The following CACNB2 variants were observed in gnomAD, a reference collection of about 807,000 sequenced individuals.
CACNB2 encodes the protein voltage-dependent L-type calcium channel subunit beta-2.
CACNB2 carries 42 observed loss-of-function variants against 73.3 expected under a neutral mutation model. The ratio of observed to expected loss-of-function variants is 0.57; its 90% confidence interval spans 0.45 to 0.74. The LOEUF is 0.74. Among genes scored for constraint, CACNB2 ranks in the 30% least tolerant of loss-of-function variants. The pLI, the probability that CACNB2 is intolerant of heterozygous loss-of-function variation, is 0.00. For synonymous variants in CACNB2, 348 were observed against 310.3 expected, an observed-to-expected ratio of 1.12 and a Z score of -1.28; for missense variants, 940 against 853.0, an observed-to-expected ratio of 1.10 and a Z score of -1.27.
chr10:18,150,757 CTTACATGATGGCAATGTA>C, intron 1 of CACNB2, 108 bp from the exon 2 acceptor site: 3 of 623,958 alleles, frequency 4.8e-6, no homozygotes, highest in African/African-American at 1.9e-5. Context: ...TCTAATGATG[CTTACATGATGGCAATGTA>C]TTACTTGTTT....
At chr10:18,261,295 G>A (rs1356653493) in intron 2 of CACNB2, 2 of 1,551,512 alleles carry the variant, frequency 1.3e-6, no homozygotes, top group South Asian at 2.4e-5. Context: ...CTGGTGCATC[G>A]CCGGCGAGTA....
intron 2 of CACNB2, among the ~76,000 whole-genome samples, chr10:18,187,886 G>C (rs1367587116): frequency 6.6e-6 from 1 of 152,124 alleles, no homozygotes; most frequent in East Asian, 1.9e-4. Flanking sequence ...GCCTTTTTAG[G>C]AAAATCCACA....
chr10:18,292,732 G>T (rs1216443394), intron 2 of CACNB2, among the ~76,000 whole-genome samples: 2 of 152,114 alleles, frequency 1.3e-5, no homozygotes, highest in African/African-American at 4.8e-5. Context: ...ATTGAGCTCA[G>T]AATAACGAGA....
At chr10:18,219,000 CA>C (rs549400069) in intron 2 of CACNB2, among the ~76,000 whole-genome samples, 1 of 152,098 alleles carries the variant, frequency 6.6e-6, no homozygotes, top group Non-Finnish European at 1.5e-5. Context: ...CCTGTCTCTA[CA>C]AAAAAATTTA....
chr10:18,216,482 A>G (rs768565196), intron 2 of CACNB2, among the ~76,000 whole-genome samples: 23 of 152,206 alleles, frequency 1.5e-4, no homozygotes, highest in Non-Finnish European at 3.2e-4. Flanking sequence ...GACATATCCC[A>G]CGTAAGCATG....
intron 2 of CACNB2, among the ~76,000 whole-genome samples, chr10:18,293,309 T>G (rs2131785513): frequency 6.6e-6 from 1 of 152,326 alleles, no homozygotes; most frequent in South Asian, 2.1e-4. Flanking sequence ...TTCAGGAACC[T>G]TTGGCCTAAC....
intron 3 of CACNB2, among the ~76,000 whole-genome samples, chr10:18,486,854 A>C (rs974206612): frequency 1.3e-5 from 2 of 152,162 alleles, no homozygotes; most frequent in African/African-American, 4.8e-5. Context: ...TGGGGTAAAT[A>C]TGTGAGGTTC....
intron 10 of CACNB2, 108 bp from the exon 11 acceptor site, chr10:18,533,968 C>T (rs2053310455): frequency 1.0e-6 from 1 of 975,132 alleles, no homozygotes. Context: ...TGCCTGTAAG[C>T]ATTAACATAA....
chr10:18,513,447 C>T, intron 6 of CACNB2: 1 of 227,722 alleles, frequency 4.4e-6, no homozygotes, highest in Non-Finnish European at 8.9e-6. Flanking sequence ...TCGCTGTCAA[C>T]TTCCAATGGT....
intron 2 of CACNB2, among the ~76,000 whole-genome samples, chr10:18,190,469 A>G (rs1023316135): frequency 2.0e-5 from 3 of 152,196 alleles, no homozygotes; most frequent in Non-Finnish European, 4.4e-5. Context: ...ACGTCCTGGA[A>G]GAGGCAAACA....
intron 2 of CACNB2, among the ~76,000 whole-genome samples, chr10:18,384,732 A>C (rs900252373): frequency 4.6e-5 from 7 of 150,656 alleles, no homozygotes; most frequent in Admixed American, 1.3e-4. Context: ...CCTGTCTCAA[A>C]ACAACAACAA....
At chr10:18,374,178 A>T (rs1037906948) in intron 2 of CACNB2, among the ~76,000 whole-genome samples, 1 of 152,226 alleles carries the variant, frequency 6.6e-6, no homozygotes, top group African/African-American at 2.4e-5. Context: ...CTATAACCAG[A>T]GCACTGGATG....
rs141717334 is a variant in CACNB2 at position 18,360,531 on chromosome 10, G to T, written c.214-41393G>T. Among the ~76,000 whole-genome samples the T allele has an allele frequency of 2.9e-3, 445 of 152,256 alleles. 1 individual carries two copies. Among genetic ancestry groups the T allele is most frequent in the African/African-American group, 0.01 (434 of 41,564 alleles). On this transcript the variant is annotated intron_variant, in intron 2 of 13. Transcript: ENST00000324631. ...GCACCACTGCACCCAGCCTTATTTT[G>T]TTGTTAAGGCAATATTTATGCTGTG...
At chr10:18,383,120 T>C (rs1277524981) in intron 2 of CACNB2, among the ~76,000 whole-genome samples, 1 of 152,232 alleles carries the variant, frequency 6.6e-6, no homozygotes, top group Non-Finnish European at 1.5e-5. Context: ...GTTGTATTTT[T>C]ACCTGCTTAA....
At chr10:18,329,222 A>T (rs1233266609) in intron 2 of CACNB2, among the ~76,000 whole-genome samples, 1 of 152,184 alleles carries the variant, frequency 6.6e-6, no homozygotes, top group Admixed American at 6.5e-5. Flanking sequence ...GCCAGGAAGG[A>T]ATAGATAGCA....
intron 3 of CACNB2, among the ~76,000 whole-genome samples, chr10:18,433,218 A>G (rs2045975317): frequency 6.6e-6 from 1 of 152,218 alleles, no homozygotes; most frequent in Non-Finnish European, 1.5e-5. Flanking sequence ...ATCAAGATAG[A>G]GTATTTCATG....
chr10:18,403,828 G>A (rs2044136850), intron 3 of CACNB2, among the ~76,000 whole-genome samples: 1 of 149,212 alleles, frequency 6.7e-6, no homozygotes. Context: ...TTTAAGGCAA[G>A]ATAGTTTATT....
At chr10:18,520,332 T>C (rs886354649) in intron 9 of CACNB2, among the ~76,000 whole-genome samples, 4 of 152,212 alleles carry the variant, frequency 2.6e-5, no homozygotes, top group African/African-American at 7.2e-5. Context: ...TTCTCTCTTA[T>C]ATTTCACATG....
intron 2 of CACNB2, among the ~76,000 whole-genome samples, chr10:18,378,914 T>C (rs2042907049): frequency 6.6e-6 from 1 of 152,136 alleles, no homozygotes; most frequent in African/African-American, 2.4e-5. Flanking sequence ...CAAATTTGAG[T>C]TGAGTGCCTG....
Sources: allele counts gnomAD v4.1 joint callset (sites outside exome capture counted in the v4.1 genomes callset), GRCh38; gene constraint gnomAD v4.1.1; transcripts MANE v1.5; gene names NCBI Gene and HGNC (gene_info 2026-07-23, HGNC 2026-07-21).